The following ACOX3 variants were observed in gnomAD, a reference collection of about 807,000 sequenced individuals.
ACOX3 encodes acyl-CoA oxidase 3, pristanoyl, also known as peroxisomal acyl-coenzyme A oxidase 3.
ACOX3 carries 73 observed loss-of-function variants against 81.5 expected under a neutral mutation model. The ratio of observed to expected loss-of-function variants is 0.90; its 90% CI spans 0.74 to 1.09. ACOX3 has a LOEUF of 1.09. ACOX3 is among the 50% of genes least tolerant of loss of function. The pLI is 0.00. For synonymous variants in ACOX3, 387 were observed against 375.1 expected (o/e 1.03, Z -0.37); for missense variants, 947 against 928.0 (o/e 1.02, Z -0.27).
At chr4:8,398,860 A>G (rs949456186) in intron 8 of ACOX3, among the ~76,000 whole-genome samples, 2 of 152,154 alleles carry the variant, frequency 1.3e-5, no homozygotes, top group Non-Finnish European at 2.9e-5. Context: ...GTTATCCCAA[A>G]TGCTGTGCCT....
Position 8,407,404 on chromosome 4 carries a change from G to T in ACOX3, c.688-1361C>A, listed in dbSNP as rs1434621217. Among the ~76,000 whole-genome samples, 1 of 152,188 alleles carries T rather than the reference G, an allele frequency of 6.6e-6. No homozygotes were observed. The highest frequency in any genetic ancestry group is 6.5e-5 in the Admixed American group (1 of 15,292). On this transcript the variant is annotated intron_variant, in intron 6 of 17. Coordinates refer to ENST00000356406, the MANE Select transcript of ACOX3 (RefSeq NM_003501.3). This position sits in a 1 kb window ranked among gnomAD's most constrained non-coding sequence, Gnocchi z 4.6. ...CCTGGGTGGCTTGCCGCCCACATGGGGCCACAGGCCTGGGGCCACCAGGAG... is the reference window on the plus strand; with the variant it reads ...CCTGGGTGGCTTGCCGCCCACATGGTGCCACAGGCCTGGGGCCACCAGGAG...
rs567291023 is a variant in ACOX3, at chr4:8,384,471, C to A, written c.1538-2864G>T. Among the ~76,000 whole-genome samples the A allele has an allele frequency of 1.4e-4, 21 of 152,300 alleles. No individual in the cohort carries two copies. The highest frequency in any genetic ancestry group is 4.8e-4 in the African/African-American group (20 of 41,572). On this transcript the variant is annotated intron_variant, in intron 13 of 17. Coordinates refer to ENST00000356406, the MANE Select transcript of ACOX3 (RefSeq NM_003501.3). The surrounding 1 kb of genome is among the most constrained non-coding windows in gnomAD (Gnocchi z 5.3). ...CTCTTGCTCGGAATGCGGCTGCTGG[C>A]GGCCTGAGGACACACCCAGCGTCAA...
intron 3 of ACOX3, 25 bp downstream of exon 3, chr4:8,415,741 C>T: frequency 1.9e-6 from 3 of 1,606,166 alleles, no homozygotes; most frequent in South Asian, 1.1e-5. Flanking sequence ...AAGCCGTTTC[C>T]CTCTCCCCTA....
At chr4:8,388,930 G>A (rs1718629350) in intron 13 of ACOX3, among the ~76,000 whole-genome samples, 4 of 152,190 alleles carry the variant, frequency 2.6e-5, no homozygotes, top group Admixed American at 2.6e-4. Flanking sequence ...AAGGCAAGAG[G>A]CAAGGTATAA....
At chr4:8,409,940 G>A (rs565204128) in intron 6 of ACOX3, among the ~76,000 whole-genome samples, 9 of 150,372 alleles carry the variant, frequency 6.0e-5, no homozygotes, top group African/African-American at 1.7e-4. Context: ...CTGTGGGCGC[G>A]GCTGTCTGTG....
In ACOX3 at chr4:8,414,202, T is replaced by C. The variant is rs971970601; in HGVS notation, c.543+90A>G. The C allele has an allele frequency of 1.6e-5, 16 of 1,032,128 alleles. No homozygotes were observed. The highest frequency in any genetic ancestry group is 2.6e-4 in the Middle Eastern group (1 of 3,906). 63.9% of individuals were successfully genotyped at this position (1,032,128 alleles called of 1,614,324 possible). A position where few individuals can be genotyped will look rare whatever the true frequency, so the allele number is the denominator to read the frequency against. On this transcript the variant is annotated intron_variant, in intron 5 of 17. Transcript: ENST00000356406. This position sits in a 1 kb window ranked among gnomAD's most constrained non-coding sequence, Gnocchi z 6.1. Reference sequence around the variant, plus strand: ...TGTGGACAGGCCTCTTGCTTTAATGTTTTTTTTTTCTTATTCTGGGCAACG... The same window carrying C: ...TGTGGACAGGCCTCTTGCTTTAATGCTTTTTTTTTCTTATTCTGGGCAACG...
At position 8,407,277 on chromosome 4, in the gene ACOX3, T is replaced by G. The variant is rs374413556; in HGVS notation, c.688-1234A>C. On this transcript the variant is annotated intron_variant, in intron 6 of 17. Transcript: ENST00000356406. The surrounding 1 kb of genome is among the most constrained non-coding windows in gnomAD (Gnocchi z 4.6). ...AGTAATTGCTACAAACTAATGATTA[T>G]TGATATTCATATATAATCATATCTA... Among the ~76,000 whole-genome samples, 2 of 152,274 alleles carry G rather than the reference T, an allele frequency of 1.3e-5. No individual in the cohort carries two copies. Among genetic ancestry groups the G allele is most frequent in the Non-Finnish European group, 2.9e-5 (2 of 68,052 alleles).
rs755974858 is a variant in ACOX3, at chr4:8,381,623, CAGA to C, written c.1538-19_1538-17del. 9.8e-5 allele frequency: 155 copies of C among 1,582,244 alleles called. No individual in the cohort carries two copies. The highest frequency in any genetic ancestry group is 1.2e-4 in the Non-Finnish European group (143 of 1,152,866). On this transcript the variant is annotated splice_polypyrimidine_tract_variant and intron_variant, in intron 13 of 17. Transcript: ENST00000356406. The surrounding 1 kb of genome is among the most constrained non-coding windows in gnomAD (Gnocchi z 4.3). ...GCCAGGGCGACTTCGGAATGACAAA[CAGA>C]AGGAGAAAAAGTAACAATAGAGAAC...
chr4:8,375,945 T>G (rs1490694236), intron 14 of ACOX3, among the ~76,000 whole-genome samples: 4 of 152,234 alleles, frequency 2.6e-5, no homozygotes, highest in Non-Finnish European at 4.4e-5. Context: ...TTTCACATTT[T>G]TGCTATTGTG....
At chr4:8,361,239 C>T in the ACOX3 span, among the ~76,000 whole-genome samples, 1,000 of 151,538 alleles carry the variant, frequency 6.6e-3, 12 homozygotes, top group African/African-American at 0.023. Flanking sequence ...CTGGCTAACA[C>T]GGTGAAACCC....
chr4:8,393,637 GCACACACA>G (rs10576121), intron 10 of ACOX3, among the ~76,000 whole-genome samples: 4,185 of 144,584 alleles, frequency 0.029, 68 homozygotes, highest in South Asian at 0.041. Context: ...ACACACACAC[GCACACACA>G]CACACACACA....
chr4:8,420,612 G>T (rs575667354), intron 1 of ACOX3, among the ~76,000 whole-genome samples: 1 of 152,186 alleles, frequency 6.6e-6, no homozygotes, highest in Non-Finnish European at 1.5e-5. Context: ...CCAGGCATTC[G>T]AGCCAGATCA....
At chr4:8,364,585 G>A (rs1047598666), downstream of ACOX3, among the ~76,000 whole-genome samples, 2 of 151,816 alleles carry the variant, frequency 1.3e-5, no homozygotes, top group African/African-American at 4.8e-5. The surrounding 1 kb of genome is among the most constrained non-coding windows in gnomAD (Gnocchi z 5.0). Flanking sequence ...CACAGGCATC[G>A]CAGAGCTCTC....
In ACOX3 at chr4:8,392,320, C is replaced by T; in HGVS notation, c.1300+13G>A. 6.5e-7 allele frequency: 1 copy of T among 1,546,976 alleles called. No homozygotes were observed. Among genetic ancestry groups the T allele is most frequent in the Non-Finnish European group, 8.7e-7 (1 of 1,148,024 alleles). ...AAGGACAGGAAACCACCATGCGCTT[C>T]TCCAAAACCTACTGGCCAGATAGCC... On this transcript the variant is annotated intron_variant, in intron 11 of 17. Transcript: ENST00000356406.
At chr4:8,356,559 A>G in the ACOX3 span, 1 of 456,336 alleles carries the variant, frequency 2.2e-6, no homozygotes, top group African/African-American at 2.0e-5. Context: ...TTCTGAAAGG[A>G]AAACCACACA....
Position 8,392,350 on chromosome 4 carries a change from C to G in ACOX3, c.1283G>C (p.Gly428Ala), listed in dbSNP as rs778538880. 4 of 1,597,176 alleles carry G rather than the reference C, an allele frequency of 2.5e-6. No homozygotes were observed. The highest frequency in any genetic ancestry group is 3.4e-6 in the Non-Finnish European group (4 of 1,173,340). ...GIQECREACG[G>A]HGYLAMNRLG... ...AAACCTACTGGCCAGATAGCCGTGT[C>G]CTCCACACGCCTCCCGGCATTCCTG... Residue 428 changes from glycine to alanine, a missense_variant, in exon 11 of 18, where the codon GGA becomes GCA. Gly to Ala is a moderately conservative substitution (Grantham distance 60). Coordinates refer to ENST00000356406, the MANE Select transcript of ACOX3 (RefSeq NM_003501.3).
Position 8,367,004 on chromosome 4 carries a change from G to A in ACOX3, c.2060C>T (p.Ser687Phe), listed in dbSNP as rs140181650. ...LERASWWPEF[S>F]VNKPVIGSLK... ...ACTTCCTATGACAGGTTTGTTCACA[G>A]AAAACTCTGGCCACCAGGATGCCCG... Residue 687 changes from serine to phenylalanine, a missense_variant, in exon 18 of 18, where the codon TCT becomes TTT. Physicochemically the swap from Ser to Phe is radical, Grantham distance 155. Coordinates refer to ENST00000356406, the MANE Select transcript of ACOX3 (RefSeq NM_003501.3). 1.2e-5 allele frequency: 19 copies of A among 1,614,134 alleles called. No individual in the cohort carries two copies. In the African/African-American group the frequency reaches 2.3e-4, roughly 19 times the overall value.
chr4:8,390,102 C>CAAAAAAAAA (rs773204173), intron 11 of ACOX3, among the ~76,000 whole-genome samples: 1 of 84,156 alleles, frequency 1.2e-5, no homozygotes, highest in African/African-American at 6.5e-5. Flanking sequence ...GACCCTGTCT[C>CAAAAAAAAA]AACAACAACA....
chr4:8,387,583 C>CTGT (rs1448650055), intron 13 of ACOX3, among the ~76,000 whole-genome samples: 2 of 152,190 alleles, frequency 1.3e-5, no homozygotes, highest in Non-Finnish European at 2.9e-5. Context: ...CGGCTTTGAG[C>CTGT]TGTTCTCTGT....
Sources: gnomAD v4.1 joint callset for allele counts (sites outside exome capture counted in the v4.1 genomes callset) on GRCh38, gnomAD v4.1.1 for gene constraint, Gnocchi (gnomAD v3.1) non-coding constraint, MANE v1.5 for transcripts, NCBI Gene and HGNC (gene_info 2026-07-23, HGNC 2026-07-21) for gene names.